CDH13: variants seen among roughly 807,000 people sequenced by gnomAD.
CDH13 encodes the protein cadherin 13.
A neutral mutation model predicts 63.8 loss-of-function variants in CDH13; 24 were observed. That is an observed-to-expected ratio of 0.38 (90% confidence interval 0.27 to 0.53). The LOEUF (loss-of-function observed/expected upper bound fraction) is 0.53. Among genes scored for constraint, CDH13 ranks in the 20% least tolerant of loss-of-function variants. The pLI is 0.85. For synonymous variants in CDH13, 503 were observed against 355.3 expected (o/e 1.42, Z -4.67); for missense variants, 1,049 against 903.1 (o/e 1.16, Z -2.07).
chr16:82,790,774 G>C (rs754942886), intron 1 of CDH13, among the ~76,000 whole-genome samples: 1 of 152,174 alleles, frequency 6.6e-6, no homozygotes, highest in South Asian at 2.1e-4. Flanking sequence ...AGGGAAGAGG[G>C]AGGAGTCCCT....
At chr16:83,480,649 C>CGT (rs2073738455) in intron 6 of CDH13, among the ~76,000 whole-genome samples, 1 of 152,068 alleles carries the variant, frequency 6.6e-6, no homozygotes, top group Admixed American at 6.5e-5. Flanking sequence ...CGTGTCTACA[C>CGT]CTGAAAGCAA....
intron 6 of CDH13, among the ~76,000 whole-genome samples, chr16:83,470,397 A>G (rs1473851267): frequency 1.3e-5 from 2 of 152,190 alleles, no homozygotes; most frequent in African/African-American, 4.8e-5. Context: ...CCCTTTGGCT[A>G]TCAAAAGGTA....
intron 4 of CDH13, among the ~76,000 whole-genome samples, chr16:83,169,339 G>A (rs971927279): frequency 3.9e-5 from 6 of 151,906 alleles, no homozygotes; most frequent in African/African-American, 1.2e-4. Context: ...ACCACACCCA[G>A]CTATTTTTTG....
chr16:83,225,033 C>T (rs1266365931), intron 5 of CDH13, among the ~76,000 whole-genome samples: 1 of 152,128 alleles, frequency 6.6e-6, no homozygotes, highest in Non-Finnish European at 1.5e-5. Flanking sequence ...AGACTAACAG[C>T]GTCACCTGGG....
chr16:83,090,492 T>C (rs186530339), intron 3 of CDH13, among the ~76,000 whole-genome samples: 36 of 150,268 alleles, frequency 2.4e-4, no homozygotes, highest in Admixed American at 2.3e-3. Flanking sequence ...GAGAATCGCT[T>C]GAACCCAGGA....
intron 5 of CDH13, among the ~76,000 whole-genome samples, chr16:83,330,872 G>A (rs1256781390): frequency 6.6e-6 from 1 of 152,152 alleles, no homozygotes; most frequent in Non-Finnish European, 1.5e-5. Flanking sequence ...TGCAAAAGAC[G>A]CTTCTTAGAT....
chr16:83,110,520 A>C (rs1012386615), intron 3 of CDH13, among the ~76,000 whole-genome samples: 1 of 152,182 alleles, frequency 6.6e-6, no homozygotes, highest in Admixed American at 6.5e-5. Context: ...GAGCTGAGTC[A>C]CTGTATGTAG....
chr16:83,647,386 G>A (rs113036216), intron 8 of CDH13, among the ~76,000 whole-genome samples: 27 of 152,118 alleles, frequency 1.8e-4, no homozygotes, highest in Middle Eastern at 6.8e-3. Context: ...GTTGCTCACG[G>A]GTGACCCCAG....
At chr16:83,518,487 T>TG (rs1409497703) in intron 7 of CDH13, among the ~76,000 whole-genome samples, 1 of 147,906 alleles carries the variant, frequency 6.8e-6, no homozygotes, top group African/African-American at 2.5e-5. Flanking sequence ...TTTTGTTTTT[T>TG]TTTGAGACGG....
At chr16:83,105,667 AAAAT>A (rs1472032168) in intron 3 of CDH13, among the ~76,000 whole-genome samples, 1 of 152,180 alleles carries the variant, frequency 6.6e-6, no homozygotes, top group Non-Finnish European at 1.5e-5. Flanking sequence ...AGTTAAAAAA[AAAAT>A]AAAGCCTGCA....
intron 2 of CDH13, among the ~76,000 whole-genome samples, chr16:83,010,782 C>A (rs1269040815): frequency 1.3e-5 from 2 of 152,156 alleles, no homozygotes; most frequent in Admixed American, 6.5e-5. Flanking sequence ...AAACATCCTG[C>A]GGGGACATCT....
intron 3 of CDH13, among the ~76,000 whole-genome samples, chr16:83,074,480 T>C (rs2032678140): frequency 1.3e-5 from 2 of 152,228 alleles, no homozygotes; most frequent in South Asian, 2.1e-4. Context: ...ATCCCTTTGA[T>C]AGACTGATTT....
chr16:83,652,173 A>G (rs1016526897), intron 8 of CDH13, among the ~76,000 whole-genome samples: 1 of 152,252 alleles, frequency 6.6e-6, no homozygotes, highest in Non-Finnish European at 1.5e-5. Flanking sequence ...AATGGGAATC[A>G]GTGGTGCAAA....
intron 8 of CDH13, among the ~76,000 whole-genome samples, chr16:83,648,810 C>A (rs984715130): frequency 6.6e-6 from 1 of 152,030 alleles, no homozygotes; most frequent in Non-Finnish European, 1.5e-5. Context: ...CTTATCTATC[C>A]CCCTTTTTCT....
chr16:83,287,898 C>T (rs1465215649), intron 5 of CDH13, among the ~76,000 whole-genome samples: 1 of 151,914 alleles, frequency 6.6e-6, no homozygotes, highest in Non-Finnish European at 1.5e-5. Flanking sequence ...GCATAGAAGT[C>T]CATGAGAAGT....
At chr16:83,286,937 C>A (rs1055202166) in intron 5 of CDH13, among the ~76,000 whole-genome samples, 3 of 152,020 alleles carry the variant, frequency 2.0e-5, no homozygotes, top group African/African-American at 7.3e-5. Flanking sequence ...TGTCCCCCTG[C>A]CATGCCCGTG....
chr16:83,220,562 C>T (rs757634842), intron 5 of CDH13, among the ~76,000 whole-genome samples: 18 of 150,548 alleles, frequency 1.2e-4, no homozygotes, highest in Admixed American at 2.0e-4. Context: ...ATGTAACAAA[C>T]CTGTACGTTG....
chr16:82,797,379 C>T (rs1423570681), intron 1 of CDH13, among the ~76,000 whole-genome samples: 8 of 152,186 alleles, frequency 5.3e-5, no homozygotes, highest in Admixed American at 5.2e-4. Context: ...ATCATTAGTG[C>T]AGAGCCCTGG....
intron 1 of CDH13, chr16:82,844,457 C>T (rs935899211): frequency 8.0e-5 from 12 of 150,816 alleles, no homozygotes; most frequent in African/African-American, 1.9e-4. Flanking sequence ...AAAAATTAGC[C>T]GGGCGTGGTG....
Sources: allele counts gnomAD v4.1 joint callset (sites outside exome capture counted in the v4.1 genomes callset), GRCh38; gene constraint gnomAD v4.1.1; transcripts MANE v1.5; gene names NCBI Gene and HGNC (gene_info 2026-07-23, HGNC 2026-07-21).